Variants in CCSER1 observed in about 807,000 individuals in gnomAD.
CCSER1 encodes the protein serine-rich coiled-coil domain-containing protein 1.
A neutral mutation model predicts 82.0 loss-of-function variants in CCSER1; 41 were observed. That is an observed-to-expected ratio of 0.50 (90% confidence interval 0.39 to 0.65). The LOEUF (loss-of-function observed/expected upper bound fraction) is 0.65. Ranked by LOEUF, CCSER1 falls within the 30% of genes least tolerant of loss-of-function variation. The pLI is 0.00. For synonymous variants in CCSER1, 414 were observed against 383.9 expected (o/e 1.08, Z -0.92); for missense variants, 1,119 against 1,064.2 (o/e 1.05, Z -0.72).
chr4:90,294,937 T>A (rs1442568370), intron 1 of CCSER1, among the ~76,000 whole-genome samples: 1 of 152,024 alleles, frequency 6.6e-6, no homozygotes, highest in Non-Finnish European at 1.5e-5. Context: ...AATTTTGAAT[T>A]GACATAAAAT....
intron 5 of CCSER1, among the ~76,000 whole-genome samples, chr4:90,617,675 C>T (rs182342791): frequency 1.2e-4 from 19 of 152,198 alleles, no homozygotes; most frequent in African/African-American, 4.1e-4. Flanking sequence ...CATGTTTATA[C>T]ATATGATTGT....
At chr4:91,519,933 C>T (rs937784747) in intron 10 of CCSER1, among the ~76,000 whole-genome samples, 1 of 152,202 alleles carries the variant, frequency 6.6e-6, no homozygotes, top group Admixed American at 6.5e-5. Flanking sequence ...CATCTTGTCC[C>T]TTCCCCCAAT....
intron 8 of CCSER1, among the ~76,000 whole-genome samples, chr4:90,827,227 G>C (rs1300739944): frequency 6.6e-6 from 1 of 152,174 alleles, no homozygotes; most frequent in Non-Finnish European, 1.5e-5. Flanking sequence ...GTTTCTTCTG[G>C]TCATTGTCAT....
intron 10 of CCSER1, among the ~76,000 whole-genome samples, chr4:91,357,638 C>T (rs115189824): frequency 0.02 from 2,971 of 151,842 alleles, 93 homozygotes; most frequent in African/African-American, 0.067. Context: ...TTATACACTT[C>T]GCACATAAAC....
intron 5 of CCSER1, among the ~76,000 whole-genome samples, chr4:90,479,532 C>T (rs1375603252): frequency 6.6e-6 from 1 of 152,046 alleles, no homozygotes; most frequent in Non-Finnish European, 1.5e-5. Context: ...CCCGCTCCCC[C>T]CACCCCACAA....
chr4:90,848,907 C>T (rs1763519653), intron 8 of CCSER1, among the ~76,000 whole-genome samples: 2 of 152,214 alleles, frequency 1.3e-5, no homozygotes, highest in Admixed American at 1.3e-4. Context: ...TTCTCTCCTG[C>T]CACCCTGTGG....
intron 9 of CCSER1, among the ~76,000 whole-genome samples, chr4:90,932,958 GA>G (rs1388533417): frequency 5.9e-5 from 2 of 33,836 alleles, no homozygotes; most frequent in Admixed American, 3.1e-4. Context: ...AAGAAAGAAA[GA>G]AAGAAAGAAA....
intron 1 of CCSER1, among the ~76,000 whole-genome samples, chr4:90,301,828 A>G (rs1259180501): frequency 6.6e-6 from 1 of 152,116 alleles, no homozygotes. Context: ...AACTGTTATA[A>G]AAACATTGTA....
chr4:90,375,737 G>A (rs1748196867), intron 3 of CCSER1, among the ~76,000 whole-genome samples: 1 of 152,144 alleles, frequency 6.6e-6, no homozygotes, highest in Non-Finnish European at 1.5e-5. Flanking sequence ...CCAAACCTCT[G>A]GATGTCCTCC....
Position 91,600,681 on chromosome 4 carries a change from T to G in CCSER1, c.*1624T>G, listed in dbSNP as rs1272523972. On this transcript the variant is annotated 3_prime_UTR_variant, in exon 11 of 11. Transcript: ENST00000509176. ...ACCCCTGAGCTTTAACTACTGAACTTTGATACATTTGCAAACTTAGATTGG... is the reference window on the plus strand; with the variant it reads ...ACCCCTGAGCTTTAACTACTGAACTGTGATACATTTGCAAACTTAGATTGG... The G allele has an allele frequency of 6.6e-6, 1 of 152,158 alleles. No homozygotes were observed. The highest frequency in any genetic ancestry group is 2.4e-5 in the African/African-American group (1 of 41,452). The allele number at this position is 152,158 out of a possible 1,614,324, so 9.4% of individuals were successfully genotyped here. A position where few individuals can be genotyped will look rare whatever the true frequency, so the allele number is the denominator to read the frequency against.
chr4:90,279,240 A>G (rs184485977), intron 1 of CCSER1, among the ~76,000 whole-genome samples: 1 of 152,102 alleles, frequency 6.6e-6, no homozygotes, highest in African/African-American at 2.4e-5. Context: ...ATATACGGAC[A>G]CTTGTATTCT....
intron 10 of CCSER1, among the ~76,000 whole-genome samples, chr4:91,136,800 T>C (rs72888564): frequency 0.037 from 5,584 of 152,170 alleles, 319 homozygotes; most frequent in African/African-American, 0.13. Flanking sequence ...ATGGTTCTTA[T>C]TTTTTTGTAA....
At chr4:91,494,855 C>G (rs772226784) in intron 10 of CCSER1, among the ~76,000 whole-genome samples, 9 of 151,588 alleles carry the variant, frequency 5.9e-5, no homozygotes, top group Non-Finnish European at 1.2e-4. Context: ...AGGAAGAGGT[C>G]ATTTTTAAAA....
At chr4:91,483,531 G>A (rs1758058335) in intron 10 of CCSER1, among the ~76,000 whole-genome samples, 1 of 151,902 alleles carries the variant, frequency 6.6e-6, no homozygotes, top group African/African-American at 2.4e-5. Context: ...TGCCTCCTGA[G>A]TTCAAGTGAT....
chr4:90,993,792 C>T (rs775327830), intron 9 of CCSER1, among the ~76,000 whole-genome samples: 1 of 152,034 alleles, frequency 6.6e-6, no homozygotes, highest in Non-Finnish European at 1.5e-5. Context: ...GTACCCCTTC[C>T]AAACACTACC....
chr4:90,993,406 A>G (rs1279190673), intron 9 of CCSER1, among the ~76,000 whole-genome samples: 1 of 152,006 alleles, frequency 6.6e-6, no homozygotes, highest in Non-Finnish European at 1.5e-5. Flanking sequence ...TGGATAACTA[A>G]TGATCTATAA....
chr4:91,595,595 T>C (rs1356974748), intron 10 of CCSER1, among the ~76,000 whole-genome samples: 1 of 152,068 alleles, frequency 6.6e-6, no homozygotes, highest in Non-Finnish European at 1.5e-5. Flanking sequence ...AAGGAGGTCA[T>C]TAAATATTTG....
rs1032748129 is a variant in CCSER1 at position 90,198,949 on chromosome 4, AT to A, written c.-42+71126del. Among the ~76,000 whole-genome samples, 5 of 152,082 alleles carry A rather than the reference AT, an allele frequency of 3.3e-5. No individual in the cohort carries two copies. In the South Asian group the frequency reaches 8.3e-4, roughly 25 times the overall value. On this transcript the variant is annotated intron_variant, in intron 1 of 10. Coordinates refer to ENST00000509176, the MANE Select transcript of CCSER1 (RefSeq NM_001145065.2). ...CAGTTTTGGCTACAACTTTAAAACA[AT>A]TTTTTTTCAACAGACTCATCTTTCA...
Position 90,758,100 on chromosome 4 carries a change from G to C in CCSER1, c.2010+34109G>C, listed in dbSNP as rs534122044. On this transcript the variant is annotated intron_variant, in intron 7 of 10. Coordinates refer to ENST00000509176, the MANE Select transcript of CCSER1 (RefSeq NM_001145065.2). Reference sequence around the variant, plus strand: ...ATTTTAGGCATGCGCCACCACACCTGGCTAACTTTGTATTTTTAGTAGAGA... The same window carrying C: ...ATTTTAGGCATGCGCCACCACACCTCGCTAACTTTGTATTTTTAGTAGAGA... Among the ~76,000 whole-genome samples, 5 of 151,994 alleles carry C rather than the reference G, an allele frequency of 3.3e-5. No individual in the cohort carries two copies. In the South Asian group the frequency reaches 1.0e-3, roughly 32 times the overall value.
Sources: gnomAD v4.1 joint callset for allele counts (sites outside exome capture counted in the v4.1 genomes callset) on GRCh38, gnomAD v4.1.1 for gene constraint, MANE v1.5 for transcripts, NCBI Gene and HGNC (gene_info 2026-07-23, HGNC 2026-07-21) for gene names.